ZNF415: variants seen among roughly 807,000 people sequenced by gnomAD.
ZNF415 encodes the protein zinc finger protein 415.
Under a neutral mutation model 7.3 loss-of-function variants are expected in ZNF415, and 5 were observed. That is an observed-to-expected ratio of 0.69 (90% CI 0.36 to 1.44). The LOEUF (loss-of-function observed/expected upper bound fraction) is 1.44, where lower values mean the gene tolerates loss of function less well. Ranked by LOEUF, ZNF415 falls within the 40% of genes most tolerant of loss-of-function variation. The pLI, the probability that ZNF415 is intolerant of heterozygous loss-of-function variation, is 0.04. For missense variants in ZNF415, 628 were observed against 664.8 expected (o/e 0.94, Z 0.61); for synonymous variants, 207 against 226.3 (o/e 0.91, Z 0.77).
chr19:53,122,033 G>A (rs983051432), intron 2 of ZNF415, among the ~76,000 whole-genome samples: 1 of 151,722 alleles, frequency 6.6e-6, no homozygotes, highest in African/African-American at 2.4e-5. Flanking sequence ...GATCACCTGA[G>A]GTCTGGAGTT....
In ZNF415 at chr19:53,108,522, C is replaced by A. The variant is rs753379230; in HGVS notation, c.1523G>T (p.Arg508Leu). The change falls in exon 4 of 4, where the codon CGC becomes CTC. Residue 508 changes from arginine (R) to leucine (L), a missense_variant. Arg to Leu is a moderately radical substitution (Grantham distance 102, BLOSUM62 -2). Coordinates refer to ENST00000243643, the MANE Select transcript of ZNF415 (RefSeq NM_018355.4). ...CNECGKSFSV[R>L]PNLTRHQIIH... ...TATCTGATGTCTAGTGAGGTTTGGG[C>A]GCACACTAAAGGATTTGCCACACTC... The A allele has an allele frequency of 3.1e-6, 5 of 1,613,884 alleles. No individual in the cohort carries two copies. Among genetic ancestry groups the A allele is most frequent in the Non-Finnish European group, 4.2e-6 (5 of 1,179,958 alleles).
At position 53,122,617 on chromosome 19, in the gene ZNF415, C is replaced by A. The variant is rs181955060; in HGVS notation, c.15+45G>T. ...CTCCAAGGCATTGTCTCCCACCTTT[C>A]TGAAAAGAGGGAGACAGAATGATCC... On this transcript the variant is annotated intron_variant, in intron 2 of 3. Coordinates refer to ENST00000243643, the MANE Select transcript of ZNF415 (RefSeq NM_018355.4). The A allele has an allele frequency of 4.2e-4, 681 of 1,613,344 alleles. 5 individuals carry two copies. In the African/African-American group the frequency reaches 8.2e-3, roughly 19 times the overall value.
chr19:53,121,555 G>A (rs2088068649), intron 2 of ZNF415, among the ~76,000 whole-genome samples: 1 of 151,870 alleles, frequency 6.6e-6, no homozygotes, highest in South Asian at 2.1e-4. Context: ...AGCCTCCTGA[G>A]TAGTTGGGAT....
chr19:53,116,489 C>T, intron 2 of ZNF415, 56 bp from the exon 3 acceptor site: 1 of 1,605,578 alleles, frequency 6.2e-7, no homozygotes, highest in Non-Finnish European at 8.5e-7. Context: ...GAGTTACCAT[C>T]TTCACACAAA....
chr19:53,128,639 G>C (rs2089611757), intron 1 of ZNF415, among the ~76,000 whole-genome samples: 1 of 112,420 alleles, frequency 8.9e-6, no homozygotes, highest in African/African-American at 3.1e-5. Context: ...GAGTAAGGCG[G>C]TGGGGACGCC....
chr19:53,109,603 G>A lies in ZNF415; in HGVS notation c.442C>T (p.His148Tyr), dbSNP rs2085928995. 1 of 1,613,982 alleles carries A rather than the reference G, an allele frequency of 6.2e-7. No individual in the cohort carries two copies. Among genetic ancestry groups the A allele is most frequent in the African/African-American group, 1.3e-5 (1 of 74,902 alleles). ...TCAGCTTGAAACTGCTGCAGTTCAT[G>A]GGGATGTGGTAGAAAGCTTAATCCA... ...QLGLSFLPHP[H>Y]ELQQFQAEGK... is the part of the protein sequence containing the mutation. Residue 148 changes from histidine (H) to tyrosine (Y), a missense_variant, in exon 4 of 4, where the codon CAT (histidine) becomes TAT (tyrosine). His to Tyr is a moderately conservative substitution (Grantham distance 83, BLOSUM62 2). Coordinates refer to ENST00000243643, the MANE Select transcript of ZNF415 (RefSeq NM_018355.4).
At chr19:53,127,342 G>T (rs944912107) in intron 1 of ZNF415, among the ~76,000 whole-genome samples, 3 of 152,200 alleles carry the variant, frequency 2.0e-5, no homozygotes, top group Non-Finnish European at 4.4e-5. Context: ...ATAGAAGCCC[G>T]GCTACGAAAT....
intron 2 of ZNF415, among the ~76,000 whole-genome samples, chr19:53,121,480 T>G (rs1373031695): frequency 2.6e-5 from 4 of 152,054 alleles, no homozygotes; most frequent in Non-Finnish European, 5.9e-5. Context: ...TGGAGTGCAG[T>G]GCAGTGGTGC....
rs777734707 is a variant in ZNF415, at chr19:53,108,626, A to C, written c.1419T>G (p.Cys473Trp). The C allele has an allele frequency of 6.2e-7, 1 of 1,614,218 alleles. No homozygotes were observed. The highest frequency in any genetic ancestry group is 8.5e-7 in the Non-Finnish European group (1 of 1,180,038). The change falls in exon 4 of 4, where the codon TGT (cysteine) becomes TGG (tryptophan). Residue 473 changes from cysteine to tryptophan, a missense_variant. Physicochemically the swap from Cys to Trp is radical, Grantham distance 215 (BLOSUM62 -2). Transcript: ENST00000243643. ...TTGAATGCACACTGAAGCCTTTGCC[A>C]CATTGATTACATTTGTAAGGCTTCT... Reference protein sequence around the residue: ...TGEKPYKCNQCGKGFSVHSSL... With the variant: ...TGEKPYKCNQWGKGFSVHSSL...
At position 53,109,396 on chromosome 19, in the gene ZNF415, T is replaced by C; in HGVS notation, c.649A>G (p.Arg217Gly). 1 of 1,614,158 alleles carries C rather than the reference T, an allele frequency of 6.2e-7. No individual in the cohort carries two copies. The highest frequency in any genetic ancestry group is 8.5e-7 in the Non-Finnish European group (1 of 1,179,994). The change falls in exon 4 of 4, where the codon AGA becomes GGA. Residue 217 changes from arginine to glycine, a missense_variant. Transcript: ENST00000243643. ...AAGGCTTTGTCGCACTCAATATATC[T>C]GTAAGGTTTTTCCCTAATGCATGAT... is the stretch of plus-strand genomic sequence containing the variant. ...QKSCIREKPY[R>G]YIECDKALNH...
chr19:53,132,573 G>T (rs116937720), intron 1 of ZNF415, among the ~76,000 whole-genome samples: 1 of 152,230 alleles, frequency 6.6e-6, no homozygotes, highest in African/African-American at 2.4e-5. Context: ...AGGCACCCAG[G>T]ACGGGAATAC....
intron 3 of ZNF415, among the ~76,000 whole-genome samples, chr19:53,114,348 T>G (rs1399324277): frequency 1.3e-5 from 2 of 152,192 alleles, no homozygotes; most frequent in East Asian, 3.9e-4. Flanking sequence ...GGCTAACTTT[T>G]GTATTTTTAG....
chr19:53,122,609 C>A (rs1411101491), intron 2 of ZNF415, 53 bp downstream of exon 2: 2 of 1,613,172 alleles, frequency 1.2e-6, no homozygotes, highest in African/African-American at 2.7e-5. Flanking sequence ...GCATTGTCTC[C>A]CACCTTTCTG....
intron 1 of ZNF415, among the ~76,000 whole-genome samples, chr19:53,128,468 C>T (rs1395029959): frequency 2.2e-5 from 3 of 139,208 alleles, no homozygotes; most frequent in Non-Finnish European, 4.7e-5. Context: ...TAGGGAGTGC[C>T]TCCTTCATGG....
At chr19:53,122,402 A>C (rs2088253539) in intron 2 of ZNF415, 1 of 1,536,218 alleles carries the variant, frequency 6.5e-7, no homozygotes, top group African/African-American at 1.4e-5. Flanking sequence ...CGGGACCCTC[A>C]CCCCGTCTCC....
Position 53,108,487 on chromosome 19 carries a change from C to T in ZNF415, c.1558G>A (p.Gly520Arg), listed in dbSNP as rs973540198. Reference sequence around the variant, plus strand: ...TCACTACATTTGTAAGGTTTCTTTCCAGTATGGATTATCTGATGTCTAGTG... The same window carrying T: ...TCACTACATTTGTAAGGTTTCTTTCTAGTATGGATTATCTGATGTCTAGTG... ...NLTRHQIIHTGKKPYKCSDCG... is the reference protein window; with the variant it reads ...NLTRHQIIHTRKKPYKCSDCG... The change falls in exon 4 of 4, where the codon GGA (glycine) becomes AGA (arginine). Residue 520 changes from glycine to arginine, a missense_variant. By Grantham distance (125) the Gly-to-Arg change is moderately radical. Transcript: ENST00000243643. The T allele has an allele frequency of 6.2e-7, 1 of 1,613,994 alleles. No individual in the cohort carries two copies. The highest frequency in any genetic ancestry group is 1.3e-5 in the African/African-American group (1 of 74,980).
chr19:53,131,063 CTTTTTTTTTTTTTTTTT>C (rs59835974), intron 1 of ZNF415, among the ~76,000 whole-genome samples: 1 of 51,588 alleles, frequency 1.9e-5, no homozygotes, highest in South Asian at 1.0e-3. Context: ...TTTCTTGCAA[CTTTTTTTTTTTTTTTTT>C]TTTTTTTTTT....
chr19:53,129,858 G>A (rs918763561), intron 1 of ZNF415: 26 of 368,294 alleles, frequency 7.1e-5, no homozygotes, highest in Non-Finnish European at 1.3e-4. Flanking sequence ...GAGGCCAGGA[G>A]TTTGAGACCA....
intron 1 of ZNF415, chr19:53,123,838 C>T (rs1166547703): frequency 1.1e-5 from 4 of 347,836 alleles, no homozygotes; most frequent in African/African-American, 8.5e-5. Context: ...ATACATGGTC[C>T]CGCTCATCTG....
Sources: allele counts gnomAD v4.1 joint callset (sites outside exome capture counted in the v4.1 genomes callset), GRCh38; gene constraint gnomAD v4.1.1; transcripts MANE v1.5; gene names NCBI Gene and HGNC (gene_info 2026-07-23, HGNC 2026-07-21).